DCAF4L2: variants seen among roughly 807,000 people sequenced by gnomAD.
The protein encoded by DCAF4L2 is DDB1- and CUL4-associated factor 4-like protein 2.
A neutral mutation model predicts 15.5 loss-of-function variants in DCAF4L2; 13 were observed. The ratio of observed to expected loss-of-function variants is 0.84; its 90% CI spans 0.54 to 1.33. The LOEUF (loss-of-function observed/expected upper bound fraction) is 1.33, where lower values mean the gene tolerates loss of function less well. DCAF4L2 is among the 40% of genes most tolerant of loss of function. The probability of loss-of-function intolerance (pLI) is 0.00; values close to 1 mark genes in which losing one functional copy is unlikely to be tolerated. For synonymous variants in DCAF4L2, 251 were observed against 207.0 expected (o/e 1.21, Z -1.83); for missense variants, 519 against 509.6 (o/e 1.02, Z -0.18).
Position 87,873,589 on chromosome 8 carries a change from T to C in DCAF4L2, c.383A>G (p.Asn128Ser), listed in dbSNP as rs562657741. Residue 128 changes from asparagine (N) to serine (S), a missense_variant, in exon 1 of 1, where the codon AAT becomes AGT. Physicochemically the swap from Asn to Ser is conservative, Grantham distance 46. Transcript: ENST00000319675. ...KTLYVPNRKVNSMCWASLNHL... is the reference protein window; with the variant it reads ...KTLYVPNRKVSSMCWASLNHL... ...ATTCAGTGAGGCCCAGCACATAGAA[T>C]TCACCTTCCGATTAGGGACGTAGAG... 16 of 1,614,144 alleles carry C rather than the reference T, an allele frequency of 9.9e-6. No homozygotes were observed. Among genetic ancestry groups the C allele is most frequent in the Middle Eastern group, 1.6e-4 (1 of 6,062 alleles).
Position 87,873,213 on chromosome 8 carries a change from C to G in DCAF4L2, c.759G>C (p.Leu253=). Residue 253 remains leucine (L), a synonymous_variant, in exon 1 of 1, where the codon CTG becomes CTC. Transcript: ENST00000319675. ...ACCCGCTGCCTTGATTTCCACAGCG[C>G]AGATCAATGCCAAAGATCTCCCCAG... ...CRSGEIFGID[L]RCGNQGSGWK... 6.2e-7 allele frequency: 1 copy of G among 1,614,128 alleles called. No homozygotes were observed. Among genetic ancestry groups the G allele is most frequent in the Non-Finnish European group, 8.5e-7 (1 of 1,180,022 alleles).
chr8:87,873,992 C>G lies in DCAF4L2; in HGVS notation c.-21G>C, dbSNP rs1176984862. 6.2e-7 allele frequency: 1 copy of G among 1,607,248 alleles called. No individual in the cohort carries two copies. The highest frequency in any genetic ancestry group is 1.7e-5 in the Admixed American group (1 of 59,668). The stretch of plus-strand genomic sequence containing the variant: ...TCCATTTCGTTCGGCGGATGTTCTC[C>G]CTCCTGAGGGGAAGTTCTGTCCCGG... On this transcript the variant is annotated 5_prime_UTR_variant, in exon 1 of 1. Transcript: ENST00000319675.
chr8:87,872,646 C>T lies in DCAF4L2; in HGVS notation c.*138G>A, dbSNP rs1348792764. On this transcript the variant is annotated 3_prime_UTR_variant, in exon 1 of 1. Coordinates refer to ENST00000319675, the MANE Select transcript of DCAF4L2 (RefSeq NM_152418.4). ...ACAGAACTATCTTCACATAAAACAG[C>T]ACCTTACCCCTAGCAGCCGGATGGA... 2 of 856,072 alleles carry T rather than the reference C, an allele frequency of 2.3e-6. No individual in the cohort carries two copies. Among genetic ancestry groups the T allele is most frequent in the Non-Finnish European group, 3.5e-6 (2 of 577,548 alleles). The allele number at this position is 856,072 out of a possible 1,614,324, so 53.0% of individuals were successfully genotyped here. A position where few individuals can be genotyped will look rare whatever the true frequency, so the allele number is the denominator to read the frequency against.
At position 87,873,643 on chromosome 8, in the gene DCAF4L2, G is replaced by A; in HGVS notation, c.329C>T (p.Pro110Leu). The change falls in exon 1 of 1, where the codon CCT (proline) becomes CTT (leucine). Residue 110 changes from proline to leucine, a missense_variant. By Grantham distance (98) the Pro-to-Leu change is moderately conservative. Coordinates refer to ENST00000319675, the MANE Select transcript of DCAF4L2 (RefSeq NM_152418.4). ...GIITMRGLTT[P>L]ELRVYPHKTL... Reference sequence around the variant, plus strand: ...TTTGTGCGGGTATACCCGGAGCTCAGGGGTCGTCAGGCCTCGCATGGTGAT... The same window carrying A: ...TTTGTGCGGGTATACCCGGAGCTCAAGGGTCGTCAGGCCTCGCATGGTGAT... 3 of 1,614,236 alleles carry A rather than the reference G, an allele frequency of 1.9e-6. No individual in the cohort carries two copies. In the African/African-American group the frequency reaches 4.0e-5, roughly 22 times the overall value.
Position 87,873,693 on chromosome 8 carries a change from T to C in DCAF4L2, c.279A>G (p.Glu93=). 6.2e-7 allele frequency: 1 copy of C among 1,614,180 alleles called. No individual in the cohort carries two copies. Among genetic ancestry groups the C allele is most frequent in the Non-Finnish European group, 8.5e-7 (1 of 1,180,030 alleles). Residue 93 remains glutamate (E), a synonymous_variant, in exon 1 of 1, where the codon GAA becomes GAG. Coordinates refer to ENST00000319675, the MANE Select transcript of DCAF4L2 (RefSeq NM_152418.4). Reference sequence around the variant, plus strand: ...TGATGCCGTACTTGGAGCCTCCAGCTTCGACTTGGTTCACTGTGAAGAGCT... The same window carrying C: ...TGATGCCGTACTTGGAGCCTCCAGCCTCGACTTGGTTCACTGTGAAGAGCT... ...TDQLFTVNQV[E]AGGSKYGIIT...
Position 87,873,962 on chromosome 8 carries a change from T to C in DCAF4L2, c.10A>G (p.Lys4Glu), listed in dbSNP as rs573817792. The C allele has an allele frequency of 5.6e-6, 9 of 1,613,524 alleles. No homozygotes were observed. The Admixed American group carries it at 8.3e-5, about 15-fold the overall frequency. MES[K>E]RPRLLEEADK... ...GCTTCCTCGAGCAGTCGCGGTCTTT[T>C]GCTCTCCATTTCGTTCGGCGGATGT... Residue 4 changes from lysine (K) to glutamate (E), a missense_variant, in exon 1 of 1, where the codon AAA becomes GAA. Coordinates refer to ENST00000319675, the MANE Select transcript of DCAF4L2 (RefSeq NM_152418.4).
In DCAF4L2 at chr8:87,871,986, G is replaced by A. The variant is rs2117885669; in HGVS notation, c.*798C>T. 6.3e-6 allele frequency: 1 copy of A among 159,656 alleles called. No individual in the cohort carries two copies. The highest frequency in any genetic ancestry group is 2.1e-4 in the South Asian group (1 of 4,798). 9.9% of individuals were successfully genotyped at this position (159,656 alleles called of 1,614,324 possible). ...TAGCTTATTGTTGGTAGAAAAACAG[G>A]CTAACACTTTGAATAAACATCTCAC... On this transcript the variant is annotated 3_prime_UTR_variant, in exon 1 of 1. Coordinates refer to ENST00000319675, the MANE Select transcript of DCAF4L2 (RefSeq NM_152418.4).
rs778918326 is a variant in DCAF4L2, at chr8:87,873,295, T to A, written c.677A>T (p.Asp226Val). 6.8e-6 allele frequency: 11 copies of A among 1,614,000 alleles called. No homozygotes were observed. The African/African-American group carries it at 1.3e-4, about 20-fold the overall frequency. Residue 226 changes from aspartate to valine, a missense_variant, in exon 1 of 1, where the codon GAT becomes GTT. Transcript: ENST00000319675. ...GATTGCAAACTGCTGGGCCAAGACA[T>A]CACTGCTAGTCCCAAATGACTGCTG... ...GHQQSFGTSS[D>V]VLAQQFAIMT...
Position 87,872,931 on chromosome 8 carries a change from G to T in DCAF4L2, c.1041C>A (p.His347Gln). The T allele has an allele frequency of 6.2e-7, 1 of 1,614,172 alleles. No individual in the cohort carries two copies. ...YTRIWSLRHG[H>Q]LLTTIPSPYP... The stretch of plus-strand genomic sequence containing the variant: ...ATGGGGAGGGTATGGTTGTGAGCAG[G>T]TGGCCATGACGGAGGCTCCAGATTC... Residue 347 changes from histidine to glutamine, a missense_variant, in exon 1 of 1, where the codon CAC (histidine) becomes CAA (glutamine). Coordinates refer to ENST00000319675, the MANE Select transcript of DCAF4L2 (RefSeq NM_152418.4).
Position 87,873,740 on chromosome 8 carries a change from G to A in DCAF4L2, c.232C>T (p.Leu78=). The change falls in exon 1 of 1, where the codon CTG becomes TTG. Residue 78 remains leucine (L), a synonymous_variant. Transcript: ENST00000319675. ...AGCTGGTCAGTGTTGGTATTCGCCA[G>A]TATGCGGTTAAATCGGTCGCTTGCC... ...SLASDRFNRI[L]ANTNTDQLFT... 1.2e-6 allele frequency: 2 copies of A among 1,614,210 alleles called. No individual in the cohort carries two copies. Among genetic ancestry groups the A allele is most frequent in the Middle Eastern group, 1.6e-4 (1 of 6,062 alleles).
At position 87,872,816 on chromosome 8, in the gene DCAF4L2, G is replaced by T. The variant is rs754087533; in HGVS notation, c.1156C>A (p.Arg386=). 1 of 1,601,946 alleles carries T rather than the reference G, an allele frequency of 6.2e-7. No homozygotes were observed. The highest frequency in any genetic ancestry group is 1.1e-5 in the South Asian group (1 of 89,574). Reference sequence around the variant, plus strand: ...TAGGAGAAACAATAAAGGTCCTCCCGGACAGCCATGAGCAGCCCTGGTGCT... The same window carrying T: ...TAGGAGAAACAATAAAGGTCCTCCCTGACAGCCATGAGCAGCCCTGGTGCT... ...RGAPGLLMAV[R]EDLYCFSYG Residue 386 remains arginine (R), a synonymous_variant, in exon 1 of 1, where the codon CGG becomes AGG. Transcript: ENST00000319675.
In DCAF4L2 at chr8:87,873,417, G is replaced by A. The variant is rs1430361669; in HGVS notation, c.555C>T (p.Ala185=). The A allele has an allele frequency of 3.1e-6, 5 of 1,614,068 alleles. No homozygotes were observed. Among genetic ancestry groups the A allele is most frequent in the Non-Finnish European group, 4.2e-6 (5 of 1,180,048 alleles). ...GMLCSFQIPD[A]WSCAWSLSIH... ...TGCTCAGGGACCAGGCACAGGACCA[G>A]GCATCAGGGATCTGGAAACTGCAAA... The change falls in exon 1 of 1, where the codon GCC becomes GCT. Residue 185 remains alanine (A), a synonymous_variant. Transcript: ENST00000319675.
chr8:87,871,330 T>C lies in DCAF4L2; in HGVS notation c.*1454A>G. ...CTGTCTTTCACTTTCTAGATTACTC[T>C]CATCAGCAAATCTTACTAATACTAC... On this transcript the variant is annotated 3_prime_UTR_variant, in exon 1 of 1. Coordinates refer to ENST00000319675, the MANE Select transcript of DCAF4L2 (RefSeq NM_152418.4). The C allele has an allele frequency of 6.5e-6, 1 of 154,936 alleles. No homozygotes were observed. The allele number at this position is 154,936 out of a possible 1,614,324, so 9.6% of individuals were successfully genotyped here. A position where few individuals can be genotyped will look rare whatever the true frequency, so the allele number is the denominator to read the frequency against.
chr8:87,872,049 TTA>T lies in DCAF4L2; in HGVS notation c.*733_*734del, dbSNP rs1809408133. 2 of 165,036 alleles carry T rather than the reference TTA, an allele frequency of 1.2e-5. No homozygotes were observed. Among genetic ancestry groups the T allele is most frequent in the Non-Finnish European group, 2.9e-5 (2 of 68,104 alleles). 10.2% of individuals were successfully genotyped at this position (165,036 alleles called of 1,614,324 possible). ...CTAGATTACAAAAAGTCAAAGCCAA[TTA>T]TCTTTGACACTGAGCCCTTGAATCC... is the stretch of plus-strand genomic sequence containing the variant. On this transcript the variant is annotated 3_prime_UTR_variant, in exon 1 of 1. Transcript: ENST00000319675.
chr8:87,873,156 T>C lies in DCAF4L2; in HGVS notation c.816A>G (p.Ala272=), dbSNP rs538050153. Residue 272 remains alanine, a synonymous_variant, in exon 1 of 1, where the codon GCA becomes GCG. Transcript: ENST00000319675. ...CTTGGAGGATTTGCAGAGAAGTCAC[T>C]GCTGAATCATGGGACAGGCAAATGG... is the stretch of plus-strand genomic sequence containing the variant. ...WKAICLSHDS[A]VTSLQILQDG... The C allele has an allele frequency of 3.7e-6, 6 of 1,614,212 alleles. No individual in the cohort carries two copies. Among genetic ancestry groups the C allele is most frequent in the South Asian group, 1.1e-5 (1 of 91,088 alleles).
At position 87,873,047 on chromosome 8, in the gene DCAF4L2, C is replaced by T. The variant is rs1279696544; in HGVS notation, c.925G>A (p.Glu309Lys). Residue 309 changes from glutamate (E) to lysine (K), a missense_variant, in exon 1 of 1, where the codon GAA (glutamate) becomes AAA (lysine). Glu to Lys is a moderately conservative substitution (Grantham distance 56). Coordinates refer to ENST00000319675, the MANE Select transcript of DCAF4L2 (RefSeq NM_152418.4). ...TAGGCGGAGTTATTCACATGACCTT[C>T]GTACTGTGTTACACATTTAGTGGCC... ...LRATKCVTQY[E>K]GHVNNSAYLP... 3.1e-6 allele frequency: 5 copies of T among 1,614,178 alleles called. No individual in the cohort carries two copies. Among genetic ancestry groups the T allele is most frequent in the Non-Finnish European group, 4.2e-6 (5 of 1,180,040 alleles).
At position 87,873,641 on chromosome 8, in the gene DCAF4L2, C is replaced by T. The variant is rs746615027; in HGVS notation, c.331G>A (p.Glu111Lys). The T allele has an allele frequency of 2.5e-6, 4 of 1,614,162 alleles. No homozygotes were observed. In the South Asian group the frequency reaches 3.3e-5, roughly 13 times the overall value. ...GTTTTGTGCGGGTATACCCGGAGCT[C>T]AGGGGTCGTCAGGCCTCGCATGGTG... ...IITMRGLTTPELRVYPHKTLY... is the reference protein window; with the variant it reads ...IITMRGLTTPKLRVYPHKTLY... The change falls in exon 1 of 1, where the codon GAG (glutamate) becomes AAG (lysine). Residue 111 changes from glutamate (E) to lysine (K), a missense_variant. Physicochemically the swap from Glu to Lys is moderately conservative, Grantham distance 56. Transcript: ENST00000319675.
Position 87,870,908 on chromosome 8 carries a change from A to T in DCAF4L2, c.*1876T>A. 6.6e-6 allele frequency: 1 copy of T among 152,286 alleles called. No homozygotes were observed. The allele number at this position is 152,286 out of a possible 1,614,324, so 9.4% of individuals were successfully genotyped here. A position where few individuals can be genotyped will look rare whatever the true frequency, so the allele number is the denominator to read the frequency against. On this transcript the variant is annotated 3_prime_UTR_variant, in exon 1 of 1. Coordinates refer to ENST00000319675, the MANE Select transcript of DCAF4L2 (RefSeq NM_152418.4). ...ATTGAATGCTTACAATGTAAAAGGG[A>T]CAATGTATACATCCTTTAAACCAAT...
chr8:87,873,801 T>C lies in DCAF4L2; in HGVS notation c.171A>G (p.Lys57=). Residue 57 remains lysine (K), a synonymous_variant, in exon 1 of 1, where the codon AAA becomes AAG. Coordinates refer to ENST00000319675, the MANE Select transcript of DCAF4L2 (RefSeq NM_152418.4). ...RELRVSCMQR[K]KVQIHSWDPS... ...GATCCCAGCTATGAATCTGGACCTT[T>C]TTCCTCTGCATGCAGCTTACACGCA... 6.2e-7 allele frequency: 1 copy of C among 1,614,156 alleles called. No homozygotes were observed. The highest frequency in any genetic ancestry group is 8.5e-7 in the Non-Finnish European group (1 of 1,180,038).
Sources: gnomAD v4.1 joint callset for allele counts on GRCh38, gnomAD v4.1.1 for gene constraint, MANE v1.5 for transcripts, NCBI Gene and HGNC (gene_info 2026-07-23, HGNC 2026-07-21) for gene names.